RAD51B: variants seen among roughly 807,000 people sequenced by gnomAD.
RAD51B encodes the protein DNA repair protein RAD51 homolog 2.
A neutral mutation model predicts 42.2 loss-of-function variants in RAD51B; 38 were observed. The ratio of observed to expected loss-of-function variants is 0.90; its 90% CI spans 0.70 to 1.18. The LOEUF is 1.18. Among genes scored for constraint, RAD51B ranks in the 50% most tolerant of loss-of-function variants. The probability of loss-of-function intolerance (pLI) is 0.00; values close to 1 mark genes in which losing one functional copy is unlikely to be tolerated. For synonymous variants in RAD51B, 154 were observed against 145.2 expected (o/e 1.06, Z -0.43); for missense variants, 373 against 400.7 (o/e 0.93, Z 0.59).
intron 7 of RAD51B, among the ~76,000 whole-genome samples, chr14:68,280,754 T>A (rs1201356110): frequency 6.6e-6 from 1 of 152,174 alleles, no homozygotes; most frequent in Non-Finnish European, 1.5e-5. Flanking sequence ...TGGTATTGAT[T>A]CTAAAGTCAG....
At chr14:67,931,752 C>G (rs1409103781) in intron 7 of RAD51B, among the ~76,000 whole-genome samples, 1 of 152,154 alleles carries the variant, frequency 6.6e-6, no homozygotes, top group Non-Finnish European at 1.5e-5. Flanking sequence ...ATCCATCTGC[C>G]TTGGCCTCCC....
intron 10 of RAD51B, among the ~76,000 whole-genome samples, chr14:68,539,694 A>G (rs755892970): frequency 1.3e-5 from 2 of 152,246 alleles, no homozygotes; most frequent in Non-Finnish European, 2.9e-5. Context: ...ACAGTGGCCC[A>G]TGAATGGGGC....
chr14:68,480,596 G>A (rs1205144517), downstream of RAD51B, among the ~76,000 whole-genome samples: 3 of 151,970 alleles, frequency 2.0e-5, no homozygotes, highest in Non-Finnish European at 4.4e-5. Flanking sequence ...TCTGTCTGTA[G>A]TGCTTGGTCA....
chr14:68,185,760 C>G (rs1011081476), intron 7 of RAD51B, among the ~76,000 whole-genome samples: 4 of 152,120 alleles, frequency 2.6e-5, no homozygotes, highest in African/African-American at 7.2e-5. Context: ...CTAGATCCCT[C>G]AAATGTGCAG....
intron 7 of RAD51B, among the ~76,000 whole-genome samples, chr14:68,068,730 C>A (rs1328080433): frequency 2.0e-5 from 3 of 152,090 alleles, no homozygotes; most frequent in Non-Finnish European, 4.4e-5. Flanking sequence ...TATATCCTCA[C>A]CAGCAATGCA....
At chr14:68,600,488 C>A (rs1293901976), downstream of RAD51B, among the ~76,000 whole-genome samples, 1 of 152,204 alleles carries the variant, frequency 6.6e-6, no homozygotes, top group African/African-American at 2.4e-5. Flanking sequence ...TGGGTATTGG[C>A]AGCCCACAGG....
At chr14:67,844,624 ATT>A (rs556636252) in intron 4 of RAD51B, among the ~76,000 whole-genome samples, 33 of 147,790 alleles carry the variant, frequency 2.2e-4, no homozygotes, top group Non-Finnish European at 3.7e-4. Flanking sequence ...ATATATATAT[ATT>A]TTTTTTATTA....
chr14:68,401,964 T>C (rs994092896), intron 8 of RAD51B, among the ~76,000 whole-genome samples: 6 of 152,348 alleles, frequency 3.9e-5, no homozygotes, highest in Admixed American at 3.9e-4. Context: ...GTGCTCTATT[T>C]ATAGAGCTAG....
intron 8 of RAD51B, among the ~76,000 whole-genome samples, chr14:68,398,616 C>T (rs1202833684): frequency 6.6e-6 from 1 of 152,078 alleles, no homozygotes; most frequent in African/African-American, 2.4e-5. Flanking sequence ...CCTCAGACAA[C>T]AGCTCCAAGC....
intron 10 of RAD51B, among the ~76,000 whole-genome samples, chr14:68,489,247 G>A (rs74998756): frequency 0.045 from 6,906 of 152,136 alleles, 496 homozygotes; most frequent in African/African-American, 0.16. Context: ...TCAACTCTTG[G>A]GATGCTAGAA....
chr14:67,931,928 G>A (rs1157350646), intron 7 of RAD51B, among the ~76,000 whole-genome samples: 1 of 152,008 alleles, frequency 6.6e-6, no homozygotes, highest in Non-Finnish European at 1.5e-5. Context: ...TGCACACCTG[G>A]TATAATAGTT....
chr14:68,442,226 A>T (rs976791686), intron 9 of RAD51B, among the ~76,000 whole-genome samples: 10 of 152,254 alleles, frequency 6.6e-5, no homozygotes, highest in African/African-American at 2.2e-4. Context: ...CCCAGGGCCT[A>T]CTACTGACTG....
chr14:68,497,301 T>A (rs1884600470), intron 10 of RAD51B: 3 of 1,272,882 alleles, frequency 2.4e-6, no homozygotes, highest in Non-Finnish European at 3.0e-6. Context: ...CATGGAATTC[T>A]AGAGGATGTA....
chr14:68,237,732 CTTTTTTTTTTTT>C (rs57490316), intron 7 of RAD51B, among the ~76,000 whole-genome samples: 1 of 74,098 alleles, frequency 1.3e-5, no homozygotes, highest in African/African-American at 5.2e-5. Flanking sequence ...TTTCATTTCT[CTTTTTTTTTTTT>C]TTTTTTTTTT....
chr14:68,363,801 C>T (rs1447494035), intron 8 of RAD51B, among the ~76,000 whole-genome samples: 1 of 152,154 alleles, frequency 6.6e-6, no homozygotes, highest in East Asian at 1.9e-4. Context: ...CTTAGTGAGA[C>T]TCAGAGTCTA....
chr14:67,836,224 C>G (rs2140300224), intron 4 of RAD51B, among the ~76,000 whole-genome samples: 1 of 152,224 alleles, frequency 6.6e-6, no homozygotes, highest in South Asian at 2.1e-4. Context: ...CTGAGGGGCC[C>G]ACTTACATGA....
chr14:68,581,651 A>C (rs986440315), intron 10 of RAD51B, among the ~76,000 whole-genome samples: 5 of 152,286 alleles, frequency 3.3e-5, no homozygotes, highest in Non-Finnish European at 5.9e-5. Flanking sequence ...AATTAGAAAA[A>C]AACTACTTTA....
At chr14:68,045,235 TCAAAAAAAA>T (rs2076280957) in intron 7 of RAD51B, among the ~76,000 whole-genome samples, 1 of 19,834 alleles carries the variant, frequency 5.0e-5, no homozygotes, top group African/African-American at 2.2e-4. Flanking sequence ...AAACTCTGTC[TCAAAAAAAA>T]AAAAAAAAAA....
intron 8 of RAD51B, among the ~76,000 whole-genome samples, chr14:68,319,320 A>T (rs977291649): frequency 2.0e-5 from 3 of 152,216 alleles, no homozygotes; most frequent in African/African-American, 7.2e-5. Flanking sequence ...GGACCTACTC[A>T]TACTTCAAAA....
Sources: allele counts gnomAD v4.1 joint callset (sites outside exome capture counted in the v4.1 genomes callset), GRCh38; gene constraint gnomAD v4.1.1; transcripts MANE v1.5; gene names NCBI Gene and HGNC (gene_info 2026-07-23, HGNC 2026-07-21).